SLC39A11: variants seen among roughly 807,000 people sequenced by gnomAD.
The protein encoded by SLC39A11 is solute carrier family 39 member 11.
A neutral mutation model predicts 36.1 loss-of-function variants in SLC39A11; 33 were observed. The observed-to-expected ratio is 0.91, with a 90% CI of 0.69 to 1.22. The LOEUF (loss-of-function observed/expected upper bound fraction) is 1.22. Ranked by LOEUF, SLC39A11 falls within the 50% of genes most tolerant of loss-of-function variation. The probability of loss-of-function intolerance (pLI) is 0.00; values close to 1 mark genes in which losing one functional copy is unlikely to be tolerated. For missense variants in SLC39A11, 432 were observed against 430.3 expected, an observed-to-expected ratio of 1.00 and a Z score of -0.03; for synonymous variants, 166 against 170.3, an observed-to-expected ratio of 0.97 and a Z score of 0.20.
At chr17:72,736,765 C>T in intron 6 of SLC39A11, 46 bp from the exon 7 acceptor site, 1 of 1,437,144 alleles carries the variant, frequency 7.0e-7, no homozygotes. Flanking sequence ...AATATTTCCC[C>T]ATAAGGAACA....
At chr17:73,001,199 T>A (rs368097948) in intron 4 of SLC39A11, among the ~76,000 whole-genome samples, 1 of 152,124 alleles carries the variant, frequency 6.6e-6, no homozygotes, top group East Asian at 1.9e-4. Context: ...CTTTCTATAG[T>A]TGCTACCTTT....
chr17:73,047,993 ATATATATATATATATATATATAT>A (rs2059373351), intron 3 of SLC39A11, among the ~76,000 whole-genome samples: 7 of 55,010 alleles, frequency 1.3e-4, no homozygotes, highest in African/African-American at 5.0e-4. Flanking sequence ...AAAAAAAAAT[ATATATATATATATATATATATAT>A]ATATATATAT....
intron 6 of SLC39A11, among the ~76,000 whole-genome samples, chr17:72,772,317 C>T (rs543873009): frequency 7.2e-5 from 11 of 152,310 alleles, no homozygotes; most frequent in Non-Finnish European, 1.3e-4. Context: ...GACTGTCCAG[C>T]CCACCAGTGA....
Position 73,026,165 on chromosome 17 carries a change from A to AGAGAG in SLC39A11, c.306+5386_306+5390dup, listed in dbSNP as rs930794201. ...GAGAAAAGAGAGAGCAGAGGAGAGA[A>AGAGAG]GAGAGGAGAGGAGAAAGAGAAGAGA... is the stretch of plus-strand genomic sequence containing the variant. On this transcript the variant is annotated intron_variant, in intron 4 of 9. Transcript: ENST00000255559. 6.0e-5 allele frequency among the ~76,000 whole-genome samples: 9 copies of AGAGAG among 150,308 alleles called. No homozygotes were observed. The South Asian group carries it at 1.7e-3, about 28-fold the overall frequency.
intron 4 of SLC39A11, among the ~76,000 whole-genome samples, chr17:72,968,883 C>T (rs1052447900): frequency 6.6e-6 from 1 of 152,084 alleles, no homozygotes; most frequent in Admixed American, 6.6e-5. Flanking sequence ...TGGCTAATTT[C>T]CCAAGCCAAT....
intron 6 of SLC39A11, among the ~76,000 whole-genome samples, chr17:72,836,857 C>T (rs947843565): frequency 2.0e-5 from 3 of 152,070 alleles, no homozygotes; most frequent in African/African-American, 2.4e-5. Flanking sequence ...GAGCCTGAGT[C>T]GCCGGCTACT....
At chr17:73,025,925 C>T (rs1484262446) in intron 4 of SLC39A11, among the ~76,000 whole-genome samples, 3 of 151,984 alleles carry the variant, frequency 2.0e-5, no homozygotes, top group Non-Finnish European at 4.4e-5. Flanking sequence ...TGAGACCAGC[C>T]TGGCCAACAT....
intron 7 of SLC39A11, among the ~76,000 whole-genome samples, chr17:72,652,946 TAGA>T (rs1310641512): frequency 4.6e-5 from 7 of 152,058 alleles, no homozygotes; most frequent in Non-Finnish European, 1.0e-4. Flanking sequence ...CTGGCACATA[TAGA>T]AGAATTCCTT....
At chr17:72,849,557 T>C (rs938068451) in intron 6 of SLC39A11, 77 bp downstream of exon 6, 4 of 1,364,032 alleles carry the variant, frequency 2.9e-6, no homozygotes, top group Non-Finnish European at 3.8e-6. Flanking sequence ...CCCTTCCCCT[T>C]TTCCAGCCAG....
intron 4 of SLC39A11, among the ~76,000 whole-genome samples, chr17:72,974,403 T>C (rs1212569046): frequency 2.0e-5 from 3 of 147,846 alleles, no homozygotes; most frequent in Non-Finnish European, 3.0e-5. Flanking sequence ...CCCGGCCTAA[T>C]GTTTGCATTT....
chr17:72,849,974 G>T (rs1033758535), intron 5 of SLC39A11, among the ~76,000 whole-genome samples, 170 bp from the exon 6 acceptor site: 2 of 151,834 alleles, frequency 1.3e-5, no homozygotes, highest in African/African-American at 4.8e-5. Flanking sequence ...ACTCACTGCA[G>T]CCCCAACTTC....
intron 7 of SLC39A11, among the ~76,000 whole-genome samples, chr17:72,670,787 C>T (rs1276769328): frequency 1.3e-5 from 2 of 152,230 alleles, no homozygotes; most frequent in Non-Finnish European, 2.9e-5. Flanking sequence ...TACTTACCTT[C>T]TGGCATCCCA....
intron 6 of SLC39A11, among the ~76,000 whole-genome samples, chr17:72,789,148 C>T (rs926270181): frequency 2.0e-5 from 3 of 151,890 alleles, no homozygotes; most frequent in Non-Finnish European, 4.4e-5. Flanking sequence ...GATTCTCCTG[C>T]GTCAGCCTCC....
At chr17:73,051,127 T>C (rs1024907537) in intron 3 of SLC39A11, among the ~76,000 whole-genome samples, 2 of 152,164 alleles carry the variant, frequency 1.3e-5, no homozygotes, top group Non-Finnish European at 2.9e-5. Context: ...TAAAGGCTCT[T>C]GGGAAGAAAG....
At chr17:72,917,336 G>C (rs2083388377) in intron 5 of SLC39A11, among the ~76,000 whole-genome samples, 1 of 152,218 alleles carries the variant, frequency 6.6e-6, no homozygotes, top group African/African-American at 2.4e-5. Flanking sequence ...TCAAAGGCAA[G>C]GAAGGCTGGA....
chr17:73,009,315 A>G (rs2090380075), intron 4 of SLC39A11, among the ~76,000 whole-genome samples: 2 of 145,178 alleles, frequency 1.4e-5, no homozygotes, highest in South Asian at 2.2e-4. Context: ...AGATTGCGCC[A>G]CTGCACTCCA....
chr17:72,775,891 T>A (rs1373607299), intron 6 of SLC39A11, among the ~76,000 whole-genome samples: 1 of 152,240 alleles, frequency 6.6e-6, no homozygotes, highest in African/African-American at 2.4e-5. Context: ...TCTGCACGTA[T>A]TTCTGAACTA....
chr17:72,923,210 G>A (rs1238279222), intron 5 of SLC39A11, among the ~76,000 whole-genome samples: 1 of 152,032 alleles, frequency 6.6e-6, no homozygotes, highest in African/African-American at 2.4e-5. Flanking sequence ...TACACTGTGT[G>A]GGGCTATGGA....
intron 5 of SLC39A11, among the ~76,000 whole-genome samples, chr17:72,909,917 T>A (rs1480335284): frequency 5.9e-5 from 9 of 152,064 alleles, no homozygotes; most frequent in Non-Finnish European, 7.4e-5. Context: ...GGCTACTTTT[T>A]TTTTTTGTAT....
Sources: gnomAD v4.1 joint callset for allele counts (sites outside exome capture counted in the v4.1 genomes callset) on GRCh38, gnomAD v4.1.1 for gene constraint, MANE v1.5 for transcripts, NCBI Gene and HGNC (gene_info 2026-07-23, HGNC 2026-07-21) for gene names.